ACOD1: variants seen among roughly 807,000 people sequenced by gnomAD.
ACOD1 encodes the protein cis-aconitate decarboxylase.
A neutral mutation model predicts 14.2 loss-of-function variants in ACOD1; 14 were observed. The observed-to-expected ratio is 0.99, with a 90% CI of 0.65 to 1.54. The LOEUF (loss-of-function observed/expected upper bound fraction) is 1.54, where lower values mean the gene tolerates loss of function less well. Among genes scored for constraint, ACOD1 ranks in the 40% most tolerant of loss-of-function variants. ACOD1 has a pLI of 0.00. For synonymous variants in ACOD1, 182 were observed against 221.7 expected, an observed-to-expected ratio of 0.82 and a Z score of 1.59; for missense variants, 530 against 586.3, an observed-to-expected ratio of 0.90 and a Z score of 0.99.
Position 76,949,947 on chromosome 13 carries a change from C to G in ACOD1, c.12+1377C>G, listed in dbSNP as rs1246147305. On this transcript the variant is annotated intron_variant, in intron 1 of 4. Transcript: ENST00000377462. ...TGCCACCATCCTTTCTCTCTCCCAG[C>G]CATCTTCTCTCCTGCTTTCGCCCAC... 4.6e-5 allele frequency among the ~76,000 whole-genome samples: 7 copies of G among 152,188 alleles called. No homozygotes were observed. The East Asian group carries it at 1.3e-3, about 29-fold the overall frequency.
chr13:76,952,715 T>G, intron 2 of ACOD1, 65 bp downstream of exon 2: 1 of 1,383,210 alleles, frequency 7.2e-7, no homozygotes, highest in Non-Finnish European at 9.8e-7. Context: ...ACATTTACTC[T>G]ATACTTCGTT....
Position 76,958,278 on chromosome 13 carries a change from G to T in ACOD1, c.*293G>T. ...AAATTAATCTCTTCATAGGAATTAT[G>T]TGTGGACTTCATGAGCCTCAAGGTT... On this transcript the variant is annotated 3_prime_UTR_variant, in exon 5 of 5. Coordinates refer to ENST00000377462, the MANE Select transcript of ACOD1 (RefSeq NM_001258406.2). 3.6e-6 allele frequency: 1 copy of T among 279,276 alleles called. No individual in the cohort carries two copies. Among genetic ancestry groups the T allele is most frequent in the South Asian group, 5.8e-5 (1 of 17,138 alleles). The allele number at this position is 279,276 out of a possible 1,614,324, so 17.3% of individuals were successfully genotyped here. A position where few individuals can be genotyped will look rare whatever the true frequency, so the allele number is the denominator to read the frequency against.
Position 76,958,216 on chromosome 13 carries a change from C to A in ACOD1, c.*231C>A. 2.2e-6 allele frequency: 1 copy of A among 444,924 alleles called. No homozygotes were observed. The highest frequency in any genetic ancestry group is 4.0e-6 in the Non-Finnish European group (1 of 252,816). The allele number at this position is 444,924 out of a possible 1,614,324, so 27.6% of individuals were successfully genotyped here. A position where few individuals can be genotyped will look rare whatever the true frequency, so the allele number is the denominator to read the frequency against. On this transcript the variant is annotated 3_prime_UTR_variant, in exon 5 of 5. Transcript: ENST00000377462. ...ACAAAAATGAGTTTGTAAGCATTCA[C>A]AAGGGTGAAATTCAACTCACCTGTG...
Position 76,958,570 on chromosome 13 carries a change from AG to A in ACOD1, c.*586del. On this transcript the variant is annotated 3_prime_UTR_variant, in exon 5 of 5. Transcript: ENST00000377462. ...TCTGGAAAAATCGCATTTTGGCTCT[AG>A]AACCCATGGTCTTAAGCACTGCAAT... 6.5e-6 allele frequency: 1 copy of A among 152,706 alleles called. No homozygotes were observed. The highest frequency in any genetic ancestry group is 1.9e-4 in the East Asian group (1 of 5,186). The allele number at this position is 152,706 out of a possible 1,614,324, so 9.5% of individuals were successfully genotyped here.
At chr13:76,953,727 T>A (rs1305607630) in intron 3 of ACOD1, 38 bp downstream of exon 3, 1 of 1,212,134 alleles carries the variant, frequency 8.2e-7, no homozygotes, top group Admixed American at 2.0e-5. Flanking sequence ...TATTAGATAA[T>A]CATAATAATT....
chr13:76,957,030 T>C lies in ACOD1; in HGVS notation c.491T>C (p.Val164Ala). The change falls in exon 5 of 5, where the codon GTA (valine) becomes GCA (alanine). Residue 164 changes from valine to alanine, a missense_variant. Coordinates refer to ENST00000377462, the MANE Select transcript of ACOD1 (RefSeq NM_001258406.2). ...MPKRFHPPSV[V>A]GTLGSAAAAS... The stretch of plus-strand genomic sequence containing the variant: ...TTCAGATTCCATCCCCCTTCCGTGG[T>C]AGGAACGTTGGGTAGTGCTGCTGCT... 1 of 1,548,792 alleles carries C rather than the reference T, an allele frequency of 6.5e-7. No homozygotes were observed. The highest frequency in any genetic ancestry group is 8.7e-7 in the Non-Finnish European group (1 of 1,145,872).
At position 76,957,454 on chromosome 13, in the gene ACOD1, C is replaced by A; in HGVS notation, c.915C>A (p.Tyr305Ter). Residue 305 changes from tyrosine (Y) to a stop codon, truncating the protein, a stop_gained, in exon 5 of 5, where the codon TAC becomes TAA. Transcript: ENST00000377462. LOFTEE classifies it low-confidence loss of function (END_TRUNC). Reference sequence around the variant, plus strand: ...AGAGAGCCCTGCTTCCAACTGACTACATTAAGAGAATTGTGCTCAGGATAC... The same window carrying A: ...AGAGAGCCCTGCTTCCAACTGACTAAATTAAGAGAATTGTGCTCAGGATAC... ...VAERALLPTDYIKRIVLRIPN... is the reference protein window; with the variant it reads ...VAERALLPTD The A allele has an allele frequency of 2.6e-6, 4 of 1,550,646 alleles. No homozygotes were observed. Among genetic ancestry groups the A allele is most frequent in the Non-Finnish European group, 3.5e-6 (4 of 1,146,992 alleles).
intron 4 of ACOD1, 84 bp downstream of exon 4, chr13:76,955,608 G>A (rs988950663): frequency 1.6e-6 from 2 of 1,243,068 alleles, no homozygotes; most frequent in South Asian, 1.4e-5. Context: ...TTCTGACTTA[G>A]AGGCCGGTTC....
chr13:76,948,626 T>C, intron 1 of ACOD1, 56 bp downstream of exon 1: 1 of 1,428,516 alleles, frequency 7.0e-7, no homozygotes, highest in Admixed American at 2.0e-5. Context: ...GACTTCTTCC[T>C]TCCTCAATTT....
intron 4 of ACOD1, among the ~76,000 whole-genome samples, chr13:76,956,750 T>A (rs1430646353): frequency 6.6e-6 from 1 of 152,186 alleles, no homozygotes; most frequent in Non-Finnish European, 1.5e-5. Flanking sequence ...TGACCTCAGA[T>A]GACCCTCCCA....
chr13:76,955,273 G>C (rs1211008000), intron 3 of ACOD1, 46 bp from the exon 4 acceptor site: 3 of 1,483,528 alleles, frequency 2.0e-6, no homozygotes, highest in Non-Finnish European at 2.8e-6. Flanking sequence ...ATTGCATTAA[G>C]GGAAAATTTA....
chr13:76,955,528 T>C lies in ACOD1; in HGVS notation c.470+4T>C, dbSNP rs1159270187. On this transcript the variant is annotated splice_donor_region_variant and intron_variant, in intron 4 of 4. Coordinates refer to ENST00000377462, the MANE Select transcript of ACOD1 (RefSeq NM_001258406.2). ...AGGCCAATGACATGCCAAAGAGGTA[T>C]GGAGAGAATTTGCCCCATCAAAAGG... is the stretch of plus-strand genomic sequence containing the variant. 6.5e-7 allele frequency: 1 copy of C among 1,549,864 alleles called. No homozygotes were observed. Among genetic ancestry groups the C allele is most frequent in the East Asian group, 2.4e-5 (1 of 40,904 alleles).
At chr13:76,956,985 C>G in intron 4 of ACOD1, 25 bp from the exon 5 acceptor site, 1 of 1,529,926 alleles carries the variant, frequency 6.5e-7, no homozygotes, top group Admixed American at 2.0e-5. Context: ...TTGTACATCT[C>G]CAACTCTGCT....
At chr13:76,949,709 C>T (rs2033805106) in intron 1 of ACOD1, among the ~76,000 whole-genome samples, 1 of 152,180 alleles carries the variant, frequency 6.6e-6, no homozygotes, top group Non-Finnish European at 1.5e-5. Flanking sequence ...TCAATCACTA[C>T]ATGCCCCCAG....
Position 76,957,818 on chromosome 13 carries a change from T to G in ACOD1, c.1279T>G (p.Ser427Ala). 6.4e-7 allele frequency: 1 copy of G among 1,551,004 alleles called. No homozygotes were observed. The highest frequency in any genetic ancestry group is 8.7e-7 in the Non-Finnish European group (1 of 1,147,104). ...AGAGGAAAAGTTCAGAGCCAATGCC[T>G]CCAAGATGCTGTCCTGGGACACAGT... is the stretch of plus-strand genomic sequence containing the variant. Reference protein sequence around the residue: ...DLEEKFRANASKMLSWDTVES... With the variant: ...DLEEKFRANAAKMLSWDTVES... The change falls in exon 5 of 5, where the codon TCC (serine) becomes GCC (alanine). Residue 427 changes from serine to alanine, a missense_variant. Transcript: ENST00000377462.
intron 1 of ACOD1, 103 bp from the exon 2 acceptor site, chr13:76,952,386 G>A (rs1252622739): frequency 3.1e-6 from 3 of 968,656 alleles, no homozygotes; most frequent in Non-Finnish European, 3.0e-6. Flanking sequence ...TTCTTGTAGT[G>A]GAGCAAAACT....
At chr13:76,949,873 G>A (rs542491803) in intron 1 of ACOD1, among the ~76,000 whole-genome samples, 9 of 152,152 alleles carry the variant, frequency 5.9e-5, no homozygotes, top group East Asian at 5.8e-4. Context: ...TTCTAGCAGC[G>A]TGAAAATCAA....
chr13:76,957,531 GTCAT>G lies in ACOD1; in HGVS notation c.999_1002del (p.Phe334SerfsTer28). ...TTTCCAGTTTCGGAGCATGAAGCCC[GTCAT>G]TCATTCCAGTATGTGGCCTGTGCCA... On this transcript the variant is annotated frameshift_variant, in exon 5 of 5. Coordinates refer to ENST00000377462, the MANE Select transcript of ACOD1 (RefSeq NM_001258406.2). LOFTEE classifies it low-confidence loss of function (END_TRUNC). 6.4e-7 allele frequency: 1 copy of G among 1,550,604 alleles called. No homozygotes were observed. The highest frequency in any genetic ancestry group is 8.7e-7 in the Non-Finnish European group (1 of 1,146,988).
Position 76,957,604 on chromosome 13 carries a change from C to T in ACOD1, c.1065C>T (p.Cys355=). 1 of 1,550,620 alleles carries T rather than the reference C, an allele frequency of 6.4e-7. No individual in the cohort carries two copies. Among genetic ancestry groups the T allele is most frequent in the Non-Finnish European group, 8.7e-7 (1 of 1,147,004 alleles). Residue 355 remains cysteine (C), a synonymous_variant, in exon 5 of 5, where the codon TGC becomes TGT. Transcript: ENST00000377462. ...GGITVPSFHE[C]QINRPQVREL... is the part of the protein sequence containing the mutation. ...TCACTGTCCCCTCATTCCATGAATG[C>T]CAGATCAACAGGCCACAGGTGAGAG...
Sources: allele counts gnomAD v4.1 joint callset (sites outside exome capture counted in the v4.1 genomes callset), GRCh38; gene constraint gnomAD v4.1.1; transcripts MANE v1.5; gene names NCBI Gene and HGNC (gene_info 2026-07-23, HGNC 2026-07-21).